ZMPSTE24: variants seen among roughly 807,000 people sequenced by gnomAD.
ZMPSTE24 encodes the protein CAAX prenyl protease 1 homolog.
Under a neutral mutation model 56.7 loss-of-function variants are expected in ZMPSTE24, and 48 were observed. The ratio of observed to expected loss-of-function variants is 0.85; its 90% confidence interval spans 0.67 to 1.08. The LOEUF is 1.08. Among genes scored for constraint, ZMPSTE24 ranks in the 50% least tolerant of loss-of-function variants. The pLI, the probability that ZMPSTE24 is intolerant of heterozygous loss-of-function variation, is 0.00. For synonymous variants in ZMPSTE24, 172 were observed against 195.2 expected (o/e 0.88, Z 0.99); for missense variants, 503 against 548.7 (o/e 0.92, Z 0.83).
chr1:40,270,897 T>C (rs1381589704), intron 5 of ZMPSTE24, among the ~76,000 whole-genome samples: 1 of 152,182 alleles, frequency 6.6e-6, no homozygotes, highest in East Asian at 1.9e-4. Flanking sequence ...GGTGGGAGGA[T>C]TGCTTAAGCC....
intron 5 of ZMPSTE24, among the ~76,000 whole-genome samples, chr1:40,270,409 G>A (rs1643602717): frequency 6.6e-6 from 1 of 152,136 alleles, no homozygotes; most frequent in Non-Finnish European, 1.5e-5. Context: ...TTTGCGAGTT[G>A]CCACCAGAAT....
At position 40,267,965 on chromosome 1, in the gene ZMPSTE24, A is replaced by G. The variant is rs1392550039; in HGVS notation, c.357+93A>G. ...TAATTTTTTGGCTTCTGCCAATGTT[A>G]AGATTTGCCTCTCTGTTTGCATAGT... On this transcript the variant is annotated intron_variant, in intron 3 of 9. Transcript: ENST00000372759. The G allele has an allele frequency of 4.0e-5, 43 of 1,087,590 alleles. No individual in the cohort carries two copies. The East Asian group carries it at 9.7e-4, about 25-fold the overall frequency. The allele number at this position is 1,087,590 out of a possible 1,614,324, so 67.4% of individuals were successfully genotyped here.
intron 9 of ZMPSTE24, 23 bp downstream of exon 9, chr1:40,291,020 A>G (rs1000427870): frequency 4.3e-6 from 7 of 1,612,898 alleles, no homozygotes; most frequent in Non-Finnish European, 3.4e-6. Flanking sequence ...CTTTAAAATT[A>G]TCACACATAT....
chr1:40,277,251 A>C (rs570999541), intron 6 of ZMPSTE24, among the ~76,000 whole-genome samples: 1 of 152,034 alleles, frequency 6.6e-6, no homozygotes, highest in East Asian at 1.9e-4. Flanking sequence ...ACACCCGGCT[A>C]ATTTTTTTGT....
chr1:40,275,128 G>C (rs941376243), intron 6 of ZMPSTE24, among the ~76,000 whole-genome samples: 3 of 151,950 alleles, frequency 2.0e-5, no homozygotes, highest in African/African-American at 7.3e-5. Context: ...GCTTATTGAA[G>C]CACTATTTGG....
Position 40,261,803 on chromosome 1 carries a change from G to A in ZMPSTE24, c.270+818G>A, listed in dbSNP as rs113510220. Among the ~76,000 whole-genome samples the A allele has an allele frequency of 5.3e-4, 80 of 152,212 alleles. 1 individual carries two copies. Among genetic ancestry groups the A allele is most frequent in the South Asian group, 1.0e-3 (5 of 4,820 alleles). On this transcript the variant is annotated intron_variant, in intron 2 of 9. Coordinates refer to ENST00000372759, the MANE Select transcript of ZMPSTE24 (RefSeq NM_005857.5). ...TGGCTCACTGCAATCTCCACCTCCC[G>A]GGTTCAAGCGATTCTCCTACCTTAG...
At chr1:40,277,532 T>G (rs1421288596) in intron 6 of ZMPSTE24, among the ~76,000 whole-genome samples, 1 of 152,160 alleles carries the variant, frequency 6.6e-6, no homozygotes. Flanking sequence ...TTTGGCGTAT[T>G]CCTTGGACCA....
In ZMPSTE24 at chr1:40,267,575, G is replaced by A. The variant is rs576100669; in HGVS notation, c.271-211G>A. Among the ~76,000 whole-genome samples the A allele has an allele frequency of 1.5e-4, 22 of 147,872 alleles. No homozygotes were observed. The East Asian group carries it at 4.3e-3, about 29-fold the overall frequency. On this transcript the variant is annotated intron_variant, in intron 2 of 9. Coordinates refer to ENST00000372759, the MANE Select transcript of ZMPSTE24 (RefSeq NM_005857.5). ...AGATGGGGTCTCAACTCACCTTGTT[G>A]CCCAGGCTGGTCTTGAATTCCTGGC...
At position 40,281,396 on chromosome 1, in the gene ZMPSTE24, A is replaced by C; in HGVS notation, c.823A>C (p.Lys275Gln). Residue 275 changes from lysine (K) to glutamine (Q), a missense_variant, in exon 7 of 10, where the codon AAG becomes CAG. Lys to Gln is a moderately conservative substitution (Grantham distance 53, BLOSUM62 1). Transcript: ENST00000372759. ...NAYFYGFFKN[K>Q]RIVLFDTLLE... The stretch of plus-strand genomic sequence containing the variant: ...TTATTTTTATGGCTTCTTCAAGAAC[A>C]AGCGAATAGTTTTGTTTGACACTCT... 1 of 1,614,156 alleles carries C rather than the reference A, an allele frequency of 6.2e-7. No homozygotes were observed. The highest frequency in any genetic ancestry group is 8.5e-7 in the Non-Finnish European group (1 of 1,180,014).
At chr1:40,272,075 T>C (rs746252618) in intron 6 of ZMPSTE24, 40 bp downstream of exon 6, 6 of 1,540,816 alleles carry the variant, frequency 3.9e-6, no homozygotes, top group Admixed American at 2.1e-5. Flanking sequence ...ATCCAAGTGG[T>C]TTGTTTTATT....
At chr1:40,290,554 G>A (rs1468038726) in intron 8 of ZMPSTE24, 10 of 265,910 alleles carry the variant, frequency 3.8e-5, no homozygotes, top group Admixed American at 6.2e-5. Context: ...TCCGCCTCCC[G>A]GGTTCACGCC....
chr1:40,287,427 C>T (rs942583263), intron 8 of ZMPSTE24, among the ~76,000 whole-genome samples: 4 of 151,998 alleles, frequency 2.6e-5, no homozygotes, highest in African/African-American at 7.2e-5. Flanking sequence ...CTTGTAATCC[C>T]GGCACTTTGG....
Position 40,275,866 on chromosome 1 carries a change from T to C in ZMPSTE24, c.769+3831T>C, listed in dbSNP as rs371007757. Among the ~76,000 whole-genome samples the C allele has an allele frequency of 7.9e-5, 12 of 151,874 alleles. 1 individual carries two copies. Among genetic ancestry groups the C allele is most frequent in the East Asian group, 3.9e-4 (2 of 5,164 alleles). On this transcript the variant is annotated intron_variant, in intron 6 of 9. Transcript: ENST00000372759. ...ACATAGGAAGGCTAGGAACTTATAA[T>C]CATATTGCAGAACCTGTCTGGTGAG...
At chr1:40,289,774 A>G (rs567618231) in intron 8 of ZMPSTE24, among the ~76,000 whole-genome samples, 4 of 152,270 alleles carry the variant, frequency 2.6e-5, no homozygotes, top group African/African-American at 9.6e-5. Flanking sequence ...ATCAAGATGG[A>G]TCTACTTTTC....
chr1:40,263,991 C>T (rs376186654), intron 2 of ZMPSTE24, among the ~76,000 whole-genome samples: 1 of 152,236 alleles, frequency 6.6e-6, no homozygotes, highest in South Asian at 2.1e-4. Context: ...TTGCATGTTT[C>T]TATGTGAGCA....
intron 5 of ZMPSTE24, among the ~76,000 whole-genome samples, chr1:40,271,529 C>T (rs560762396): frequency 3.1e-4 from 47 of 152,220 alleles, no homozygotes; most frequent in African/African-American, 1.1e-3. Flanking sequence ...ATTGTGATTA[C>T]GCTAAAAGGT....
intron 2 of ZMPSTE24, chr1:40,262,846 G>T: frequency 8.7e-7 from 1 of 1,146,810 alleles, no homozygotes; most frequent in Non-Finnish European, 1.1e-6. Flanking sequence ...CCAGAGAATT[G>T]TTGAACAACT....
chr1:40,272,091 C>T (rs1643619552), intron 6 of ZMPSTE24, 56 bp downstream of exon 6: 2 of 1,478,238 alleles, frequency 1.4e-6, no homozygotes, highest in Non-Finnish European at 1.8e-6. Flanking sequence ...TTATTTGATA[C>T]TTTATTCTTA....
At chr1:40,289,214 A>G (rs979500726) in intron 8 of ZMPSTE24, among the ~76,000 whole-genome samples, 1 of 151,708 alleles carries the variant, frequency 6.6e-6, no homozygotes, top group Non-Finnish European at 1.5e-5. Flanking sequence ...CTTCATTTCC[A>G]CTCTTATATC....
Sources: gnomAD v4.1 joint callset for allele counts (sites outside exome capture counted in the v4.1 genomes callset) on GRCh38, gnomAD v4.1.1 for gene constraint, MANE v1.5 for transcripts, NCBI Gene and HGNC (gene_info 2026-07-23, HGNC 2026-07-21) for gene names.